The following KCNAB1 variants were observed in gnomAD, a reference collection of about 807,000 sequenced individuals.
The protein encoded by KCNAB1 is potassium voltage-gated channel subfamily A regulatory beta subunit 1, also known as voltage-gated potassium channel subunit beta-1.
KCNAB1 carries 35 observed loss-of-function variants against 64.6 expected under a neutral mutation model. The observed-to-expected ratio is 0.54, with a 90% CI of 0.41 to 0.72. The LOEUF (loss-of-function observed/expected upper bound fraction) is 0.72, where lower values mean the gene tolerates loss of function less well. Among genes scored for constraint, KCNAB1 ranks in the 30% least tolerant of loss-of-function variants. The pLI, the probability that KCNAB1 is intolerant of heterozygous loss-of-function variation, is 0.00. For missense variants in KCNAB1, 401 were observed against 512.9 expected (o/e 0.78, Z 2.11); for synonymous variants, 177 against 183.8 (o/e 0.96, Z 0.30).
intron 1 of KCNAB1, 133 bp from the exon 2 acceptor site, chr3:156,421,483 T>C: frequency 1.2e-6 from 1 of 804,972 alleles, no homozygotes; most frequent in Admixed American, 2.2e-5. Context: ...CAAGACAATA[T>C]GCCGGCATCT....
intron 1 of KCNAB1, among the ~76,000 whole-genome samples, chr3:156,265,501 G>T (rs1049577058): frequency 6.6e-6 from 1 of 152,152 alleles, no homozygotes; most frequent in African/African-American, 2.4e-5. Context: ...CTTTCATGTG[G>T]ATTCTTTCAT....
intron 1 of KCNAB1, among the ~76,000 whole-genome samples, chr3:156,156,931 C>G (rs1715762014): frequency 6.6e-6 from 1 of 152,104 alleles, no homozygotes; most frequent in African/African-American, 2.4e-5. Flanking sequence ...AGCCCCAGGA[C>G]TACAGCCTAG....
chr3:156,248,574 C>A (rs184627302), intron 1 of KCNAB1, among the ~76,000 whole-genome samples: 32 of 150,364 alleles, frequency 2.1e-4, no homozygotes, highest in African/African-American at 7.6e-4. Context: ...AGAATGAATG[C>A]CATTAGTTAA....
chr3:156,471,779 A>G (rs530134242), intron 7 of KCNAB1, among the ~76,000 whole-genome samples: 6 of 152,344 alleles, frequency 3.9e-5, no homozygotes, highest in Non-Finnish European at 7.4e-5. Context: ...CTCATGAAAC[A>G]TATCTTAATG....
intron 1 of KCNAB1, among the ~76,000 whole-genome samples, chr3:156,372,147 T>C (rs1726344886): frequency 6.6e-6 from 1 of 152,148 alleles, no homozygotes; most frequent in Admixed American, 6.5e-5. Flanking sequence ...AAAGGGAGAT[T>C]GGATACAACA....
intron 1 of KCNAB1, among the ~76,000 whole-genome samples, chr3:156,235,578 C>T (rs915358881): frequency 6.6e-6 from 1 of 152,204 alleles, no homozygotes; most frequent in African/African-American, 2.4e-5. Context: ...GCCTTTTTGA[C>T]AAGTCTTCCT....
At chr3:156,331,135 C>T (rs1723301598) in intron 1 of KCNAB1, among the ~76,000 whole-genome samples, 1 of 152,160 alleles carries the variant, frequency 6.6e-6, no homozygotes, top group Non-Finnish European at 1.5e-5. Context: ...AAACCTGCTC[C>T]TAGGACCCTT....
chr3:156,484,987 A>G (rs189957732), intron 8 of KCNAB1, among the ~76,000 whole-genome samples: 2 of 152,296 alleles, frequency 1.3e-5, no homozygotes, highest in Admixed American at 1.3e-4. Flanking sequence ...AAAATATTCT[A>G]GCTATTTCCA....
chr3:156,282,318 A>G (rs1304035702), intron 1 of KCNAB1, among the ~76,000 whole-genome samples: 7 of 149,060 alleles, frequency 4.7e-5, no homozygotes, highest in East Asian at 2.0e-4. Flanking sequence ...TGATTGCACT[A>G]TGGTCTGAGA....
rs1437643035 is a variant in KCNAB1 at position 156,508,636 on chromosome 3, T to C, written c.659-5728T>C. ...AAACCTGGGCCATTTTCAGTTTGTG[T>C]TACTGTTTCAAATTCACAAGTTATT... On this transcript the variant is annotated intron_variant, in intron 8 of 13. Coordinates refer to ENST00000490337, the MANE Select transcript of KCNAB1 (RefSeq NM_172160.3). The surrounding 1 kb of genome is among the most constrained non-coding windows in gnomAD (Gnocchi z 4.1). 1.3e-5 allele frequency among the ~76,000 whole-genome samples: 2 copies of C among 152,252 alleles called. No homozygotes were observed. The highest frequency in any genetic ancestry group is 6.5e-5 in the Admixed American group (1 of 15,286).
chr3:156,536,484 G>A (rs751777172), intron 13 of KCNAB1, 174 bp from the exon 14 acceptor site: 36 of 586,810 alleles, frequency 6.1e-5, no homozygotes, highest in Non-Finnish European at 1.0e-4. Context: ...AATCAACAAG[G>A]CCCCTGACCT....
At chr3:156,254,847 C>T (rs890982896) in intron 1 of KCNAB1, among the ~76,000 whole-genome samples, 2 of 152,224 alleles carry the variant, frequency 1.3e-5, no homozygotes. Context: ...AATCTCAAAG[C>T]ATTTCCTGAT....
intron 1 of KCNAB1, among the ~76,000 whole-genome samples, chr3:156,374,105 T>C (rs2108133026): frequency 6.6e-6 from 1 of 152,312 alleles, no homozygotes; most frequent in South Asian, 2.1e-4. Flanking sequence ...TCTAGAGTTA[T>C]TGTGAATATT....
At chr3:156,191,928 C>G (rs774932814) in intron 1 of KCNAB1, among the ~76,000 whole-genome samples, 2 of 152,178 alleles carry the variant, frequency 1.3e-5, no homozygotes, top group African/African-American at 4.8e-5. Context: ...AAATGTTTTC[C>G]TTTACTGTTG....
At chr3:156,464,191 A>C (rs1713161864) in intron 6 of KCNAB1, among the ~76,000 whole-genome samples, 4 of 152,188 alleles carry the variant, frequency 2.6e-5, no homozygotes, top group Admixed American at 2.6e-4. Context: ...GAGGGCTCTG[A>C]AAGTGCTGAT....
At chr3:156,470,540 G>A (rs1398396585) in intron 7 of KCNAB1, among the ~76,000 whole-genome samples, 1 of 152,154 alleles carries the variant, frequency 6.6e-6, no homozygotes, top group African/African-American at 2.4e-5. Flanking sequence ...TTCCTTTAGT[G>A]CCTAATGTGA....
chr3:156,479,333 A>G (rs1714614138), intron 8 of KCNAB1, among the ~76,000 whole-genome samples: 1 of 152,152 alleles, frequency 6.6e-6, no homozygotes, highest in Admixed American at 6.6e-5. Flanking sequence ...TAGACAAGAA[A>G]AAGTTCAGGC....
intron 1 of KCNAB1, among the ~76,000 whole-genome samples, chr3:156,271,474 ACT>A (rs1270154773): frequency 6.6e-6 from 1 of 151,436 alleles, no homozygotes; most frequent in African/African-American, 2.4e-5. Context: ...CTGTTAAGAG[ACT>A]CTAATGCATT....
chr3:156,357,156 C>CGT (rs1479203606), intron 1 of KCNAB1, among the ~76,000 whole-genome samples: 7 of 140,288 alleles, frequency 5.0e-5, no homozygotes, highest in African/African-American at 1.4e-4. Flanking sequence ...CACACATGTG[C>CGT]GCGCACACAC....
Sources: gnomAD v4.1 joint callset for allele counts (sites outside exome capture counted in the v4.1 genomes callset) on GRCh38, gnomAD v4.1.1 for gene constraint, Gnocchi (gnomAD v3.1) non-coding constraint, MANE v1.5 for transcripts, NCBI Gene and HGNC (gene_info 2026-07-23, HGNC 2026-07-21) for gene names.